Variants in DNMBP observed in about 807,000 individuals in gnomAD.
DNMBP encodes dynamin binding protein, also known as dynamin-binding protein.
DNMBP carries 87 observed loss-of-function variants against 150.0 expected under a neutral mutation model. The ratio of observed to expected loss-of-function variants is 0.58; its 90% CI spans 0.49 to 0.69. The LOEUF (loss-of-function observed/expected upper bound fraction) is 0.69. Ranked by LOEUF, DNMBP falls within the 30% of genes least tolerant of loss-of-function variation. The pLI, the probability that DNMBP is intolerant of heterozygous loss-of-function variation, is 0.00. For missense variants in DNMBP, 1,774 were observed against 1,949.0 expected (o/e 0.91, Z 1.69); for synonymous variants, 711 against 750.4 (o/e 0.95, Z 0.86).
rs369854294 is a variant in DNMBP, at chr10:99,971,473, G to A, written c.145+507C>T. ...CCCATCTCAGCCTCCCAAAGTGCTG[G>A]GATTATAAGCATGACCCACCATGCC... On this transcript the variant is annotated intron_variant, in intron 2 of 16. Transcript: ENST00000324109. Among the ~76,000 whole-genome samples the A allele has an allele frequency of 1.1e-4, 17 of 151,886 alleles. 1 individual carries two copies. In the East Asian group the frequency reaches 1.2e-3, roughly 10 times the overall value.
chr10:99,939,523 C>T (rs2040270703), intron 4 of DNMBP, among the ~76,000 whole-genome samples: 1 of 152,240 alleles, frequency 6.6e-6, no homozygotes, highest in South Asian at 2.1e-4. Context: ...TGTCTTTAAC[C>T]TCCAAACTGT....
At chr10:99,999,816 T>C (rs1160854349) in intron 1 of DNMBP, among the ~76,000 whole-genome samples, 1 of 152,184 alleles carries the variant, frequency 6.6e-6, no homozygotes, top group Non-Finnish European at 1.5e-5. Flanking sequence ...GGGACTACTT[T>C]ATATAAGTGG....
At position 99,898,015 on chromosome 10, in the gene DNMBP, A is replaced by C. The variant is rs776547790; in HGVS notation, c.2920+71T>G. The stretch of plus-strand genomic sequence containing the variant: ...CTGCCTTGTCCAACTCTAGCGAAGT[A>C]ATGAATTGTTTTGAGAAGAAAAGCA... On this transcript the variant is annotated intron_variant, in intron 9 of 16. Coordinates refer to ENST00000324109, the MANE Select transcript of DNMBP (RefSeq NM_015221.4). The C allele has an allele frequency of 1.3e-5, 18 of 1,356,588 alleles. No homozygotes were observed. The South Asian group carries it at 2.1e-4, about 16-fold the overall frequency. The allele number at this position is 1,356,588 out of a possible 1,614,324, so 84.0% of individuals were successfully genotyped here.
intron 2 of DNMBP, among the ~76,000 whole-genome samples, chr10:99,970,607 T>C (rs2040663639): frequency 6.6e-6 from 1 of 151,952 alleles, no homozygotes; most frequent in Non-Finnish European, 1.5e-5. Flanking sequence ...GGGTAGAAAA[T>C]GTTCAAAGAA....
chr10:99,959,009 A>T (rs1482170562), intron 3 of DNMBP, among the ~76,000 whole-genome samples: 2 of 152,220 alleles, frequency 1.3e-5, no homozygotes, highest in African/African-American at 4.8e-5. Flanking sequence ...ATATTTGTGT[A>T]AGGCTGGATT....
chr10:99,962,780 A>C (rs1488045967), intron 3 of DNMBP, among the ~76,000 whole-genome samples: 1 of 152,224 alleles, frequency 6.6e-6, no homozygotes, highest in Non-Finnish European at 1.5e-5. Flanking sequence ...AAAGCGTGCC[A>C]TAACTCCCAC....
At chr10:99,924,645 C>T (rs1473462528) in intron 4 of DNMBP, among the ~76,000 whole-genome samples, 1 of 152,112 alleles carries the variant, frequency 6.6e-6, no homozygotes, top group Non-Finnish European at 1.5e-5. Context: ...ATGCCAAGTA[C>T]AGACATTAGT....
chr10:99,923,914 G>GA (rs2040050065), intron 4 of DNMBP, among the ~76,000 whole-genome samples: 1 of 151,764 alleles, frequency 6.6e-6, no homozygotes, highest in African/African-American at 2.4e-5. Flanking sequence ...AGCACTTCGG[G>GA]GGCCGAGATG....
At chr10:100,001,839 CAA>C (rs767379752) in intron 1 of DNMBP, among the ~76,000 whole-genome samples, 63 of 152,296 alleles carry the variant, frequency 4.1e-4, no homozygotes, top group Middle Eastern at 3.4e-3. Context: ...TGAACTGAAG[CAA>C]AGAGACCTCA....
Position 99,886,446 on chromosome 10 carries a change from C to T in DNMBP, c.3472G>A (p.Glu1158Lys). 1 of 1,614,180 alleles carries T rather than the reference C, an allele frequency of 6.2e-7. No homozygotes were observed. The highest frequency in any genetic ancestry group is 1.3e-5 in the African/African-American group (1 of 75,048). ...EELQSARNNYEALNAQLLDEL... is the reference protein window; with the variant it reads ...EELQSARNNYKALNAQLLDEL... Reference sequence around the variant, plus strand: ...TCCAGCAGCTGTGCATTCAGGGCCTCATAGTTGTTCCGGGCCGACTGCAGC... The same window carrying T: ...TCCAGCAGCTGTGCATTCAGGGCCTTATAGTTGTTCCGGGCCGACTGCAGC... Residue 1158 changes from glutamate (E) to lysine (K), a missense_variant, in exon 13 of 17, where the codon GAG (glutamate) becomes AAG (lysine). Coordinates refer to ENST00000324109, the MANE Select transcript of DNMBP (RefSeq NM_015221.4).
intron 4 of DNMBP, among the ~76,000 whole-genome samples, chr10:99,941,637 T>A (rs962598641): frequency 6.6e-6 from 1 of 152,098 alleles, no homozygotes; most frequent in Admixed American, 6.5e-5. Context: ...CCCGGCTAAT[T>A]TTGTATTTTT....
intron 4 of DNMBP, chr10:99,930,645 T>G: frequency 1.4e-6 from 1 of 703,022 alleles, no homozygotes; most frequent in Non-Finnish European, 2.6e-6. Context: ...GTAGAGTCCA[T>G]CCAGCACTGT....
At chr10:99,891,332 C>T (rs1046187505) in intron 11 of DNMBP, among the ~76,000 whole-genome samples, 4 of 150,150 alleles carry the variant, frequency 2.7e-5, no homozygotes, top group South Asian at 2.1e-4. Flanking sequence ...TGCAGGCACG[C>T]GCCACCACGC....
chr10:99,930,335 C>G, intron 4 of DNMBP: 6 of 703,034 alleles, frequency 8.5e-6, no homozygotes, highest in Non-Finnish European at 1.6e-5. Context: ...AATTCAGATT[C>G]TTACAGTCTG....
At chr10:99,902,096 G>C (rs1310848492) in intron 6 of DNMBP, among the ~76,000 whole-genome samples, 1 of 151,792 alleles carries the variant, frequency 6.6e-6, no homozygotes, top group African/African-American at 2.4e-5. Context: ...CGGCACGTTG[G>C]TCAGGCTGGT....
chr10:99,901,084 C>T (rs893216667), intron 6 of DNMBP, among the ~76,000 whole-genome samples: 2 of 152,060 alleles, frequency 1.3e-5, no homozygotes, highest in African/African-American at 2.4e-5. Context: ...TACAGATGTG[C>T]GCTGCCACAC....
At chr10:99,923,325 G>A (rs1034519017) in intron 4 of DNMBP, among the ~76,000 whole-genome samples, 5 of 152,132 alleles carry the variant, frequency 3.3e-5, no homozygotes, top group Non-Finnish European at 7.4e-5. Flanking sequence ...GTCGGAGGCT[G>A]CAGTGCGCTG....
At chr10:99,968,413 G>T (rs989234332) in intron 3 of DNMBP, among the ~76,000 whole-genome samples, 2 of 152,112 alleles carry the variant, frequency 1.3e-5, no homozygotes, top group African/African-American at 4.8e-5. Flanking sequence ...TTGGTCAGGC[G>T]CAGTGACTCA....
intron 4 of DNMBP, among the ~76,000 whole-genome samples, chr10:99,951,480 C>A (rs142624337): frequency 6.6e-6 from 1 of 152,182 alleles, no homozygotes; most frequent in African/African-American, 2.4e-5. Context: ...AACATCAGCC[C>A]GTGAAAGCAG....
Sources: gnomAD v4.1 joint callset for allele counts (sites outside exome capture counted in the v4.1 genomes callset) on GRCh38, gnomAD v4.1.1 for gene constraint, MANE v1.5 for transcripts, NCBI Gene and HGNC (gene_info 2026-07-23, HGNC 2026-07-21) for gene names.